Variants in ENC1 observed in about 807,000 individuals in gnomAD.
The protein encoded by ENC1 is ectodermal-neural cortex 1, also known as ectoderm-neural cortex protein 1.
Under a neutral mutation model 40.9 loss-of-function variants are expected in ENC1, and 19 were observed. The observed-to-expected ratio is 0.46, with a 90% confidence interval of 0.32 to 0.68. ENC1 has a LOEUF of 0.68. ENC1 is among the 30% of genes least tolerant of loss of function. ENC1 has a pLI of 0.03. For synonymous variants in ENC1, 285 were observed against 291.1 expected (o/e 0.98, Z 0.21); for missense variants, 479 against 737.5 (o/e 0.65, Z 4.06).
chr5:74,636,938 A>C lies in ENC1; in HGVS notation c.-13-440T>G, dbSNP rs7707483. Among the ~76,000 whole-genome samples the C allele has an allele frequency of 0.13, 19,481 of 152,228 alleles. 1,408 individuals are homozygous for C. The highest frequency in any genetic ancestry group is 0.18 in the African/African-American group (7,432 of 41,518). ...CTGCTCTTATAATGCCAGGATGGGC[A>C]CTGGCTTTCATGCCCCATGCAACAT... is the stretch of plus-strand genomic sequence containing the variant. On this transcript the variant is annotated intron_variant, in intron 1 of 2. Coordinates refer to ENST00000302351, the MANE Select transcript of ENC1 (RefSeq NM_003633.4). The surrounding 1 kb of genome is among the most constrained non-coding windows in gnomAD (Gnocchi z 4.8).
chr5:74,631,664 C>G (rs1420205089), intron 2 of ENC1, among the ~76,000 whole-genome samples: 2 of 152,160 alleles, frequency 1.3e-5, no homozygotes, highest in East Asian at 3.9e-4. Context: ...ACTGGTAGCG[C>G]CAAGGGTGAA....
rs534405225 is a variant in ENC1, at chr5:74,628,467, G to T, written c.*1558C>A. The T allele has an allele frequency of 8.5e-5, 13 of 152,568 alleles. No homozygotes were observed. The highest frequency in any genetic ancestry group is 1.9e-4 in the Non-Finnish European group (13 of 68,036). 9.5% of individuals were successfully genotyped at this position (152,568 alleles called of 1,614,324 possible). A position where few individuals can be genotyped will look rare whatever the true frequency, so the allele number is the denominator to read the frequency against. The stretch of plus-strand genomic sequence containing the variant: ...ATCTGAGACTAGCACTAATACCTAC[G>T]ACGGCACATGCTTAGTAAACAAGCA... On this transcript the variant is annotated 3_prime_UTR_variant, in exon 3 of 3. Coordinates refer to ENST00000302351, the MANE Select transcript of ENC1 (RefSeq NM_003633.4).
chr5:74,637,639 T>A (rs1454168126), intron 1 of ENC1: 1 of 152,244 alleles, frequency 6.6e-6, no homozygotes, highest in African/African-American at 2.4e-5. Context: ...AAAAGATCCA[T>A]CCGTCTTTTG....
At chr5:74,639,699 A>G (rs1040451164) in intron 1 of ENC1, among the ~76,000 whole-genome samples, 1 of 150,750 alleles carries the variant, frequency 6.6e-6, no homozygotes, top group Non-Finnish European at 1.5e-5. Context: ...CCTGTGTGAC[A>G]CCAAACCGCA....
chr5:74,636,250 A>G lies in ENC1; in HGVS notation c.236T>C (p.Leu79Pro). ...GACCTCACTGTCCTGGCTCTCTTTC[A>G]GGCCACCACTGAACATGGCCTCAAA... The part of the protein sequence containing the change: ...RYFEAMFSGG[L>P]KESQDSEVNF... Residue 79 changes from leucine (L) to proline (P), a missense_variant, in exon 2 of 3, where the codon CTG (leucine) becomes CCG (proline). Leu to Pro is a moderately conservative substitution (Grantham distance 98, BLOSUM62 -3). Coordinates refer to ENST00000302351, the MANE Select transcript of ENC1 (RefSeq NM_003633.4). The surrounding 1 kb of genome is among the most constrained non-coding windows in gnomAD (Gnocchi z 4.8). 6.2e-7 allele frequency: 1 copy of G among 1,614,204 alleles called. No individual in the cohort carries two copies. The highest frequency in any genetic ancestry group is 8.5e-7 in the Non-Finnish European group (1 of 1,180,038).
At position 74,628,162 on chromosome 5, in the gene ENC1, G is replaced by A. The variant is rs569738708; in HGVS notation, c.*1863C>T. 30 of 152,764 alleles carry A rather than the reference G, an allele frequency of 2.0e-4. No individual in the cohort carries two copies. The highest frequency in any genetic ancestry group is 7.2e-4 in the African/African-American group (30 of 41,578). The allele number at this position is 152,764 out of a possible 1,614,324, so 9.5% of individuals were successfully genotyped here. A position where few individuals can be genotyped will look rare whatever the true frequency, so the allele number is the denominator to read the frequency against. Reference sequence around the variant, plus strand: ...GGAACCAGGGACTGACTGCTGGAAAGTACTGTGATTCTTTTCTTCCAACAG... The same window carrying A: ...GGAACCAGGGACTGACTGCTGGAAAATACTGTGATTCTTTTCTTCCAACAG... On this transcript the variant is annotated 3_prime_UTR_variant, in exon 3 of 3. Coordinates refer to ENST00000302351, the MANE Select transcript of ENC1 (RefSeq NM_003633.4).
chr5:74,631,568 G>C (rs1336422299), intron 2 of ENC1, among the ~76,000 whole-genome samples: 2 of 152,206 alleles, frequency 1.3e-5, no homozygotes, highest in African/African-American at 4.8e-5. Flanking sequence ...AATTCAAAGA[G>C]TGGCTTTGAT....
In ENC1 at chr5:74,635,967, G is replaced by A; in HGVS notation, c.519C>T (p.Leu173=). Residue 173 remains leucine, a synonymous_variant, in exon 2 of 3, where the codon CTC becomes CTT. Transcript: ENST00000302351. The surrounding 1 kb of genome is among the most constrained non-coding windows in gnomAD (Gnocchi z 5.5). ...KLYELSWRMC[L]SNFQTIRKNE... ...TCTTCCTGATGGTTTGGAAGTTGCT[G>A]AGACACATTCTCCAAGATAGTTCGT... The A allele has an allele frequency of 2.5e-6, 4 of 1,614,186 alleles. No homozygotes were observed. The highest frequency in any genetic ancestry group is 1.1e-5 in the South Asian group (1 of 91,078).
At chr5:74,637,037 C>G (rs537576497) in intron 1 of ENC1, among the ~76,000 whole-genome samples, 1 of 152,248 alleles carries the variant, frequency 6.6e-6, no homozygotes, top group Non-Finnish European at 1.5e-5. Context: ...AATCTCCCAG[C>G]ACATACAGTA....
In ENC1 at chr5:74,636,756, A is replaced by G. The variant is rs1274010303; in HGVS notation, c.-13-258T>C. On this transcript the variant is annotated intron_variant, in intron 1 of 2. Transcript: ENST00000302351. The surrounding 1 kb of genome is among the most constrained non-coding windows in gnomAD (Gnocchi z 4.8). ...AAAAAAAAAAAATCACTGCATAAAA[A>G]GCAGGTTCATCTTGGAAAACCTGAT... is the stretch of plus-strand genomic sequence containing the variant. Among the ~76,000 whole-genome samples, 1 of 152,046 alleles carries G rather than the reference A, an allele frequency of 6.6e-6. No individual in the cohort carries two copies. The highest frequency in any genetic ancestry group is 6.5e-5 in the Admixed American group (1 of 15,276).
chr5:74,631,132 C>CA (rs1203618832), intron 2 of ENC1, among the ~76,000 whole-genome samples: 1 of 151,052 alleles, frequency 6.6e-6, no homozygotes, highest in Admixed American at 6.6e-5. Flanking sequence ...ACCCTCCCCC[C>CA]AAAAAATTGC....
At chr5:74,631,517 A>G (rs1747393237) in intron 2 of ENC1, among the ~76,000 whole-genome samples, 1 of 152,240 alleles carries the variant, frequency 6.6e-6, no homozygotes, top group African/African-American at 2.4e-5. Context: ...TATCTTGTGT[A>G]GTAAACTTTA....
intron 2 of ENC1, among the ~76,000 whole-genome samples, 155 bp from the exon 3 acceptor site, chr5:74,630,147 T>C (rs1467224450): frequency 6.6e-6 from 1 of 152,358 alleles, no homozygotes; most frequent in East Asian, 1.9e-4. Context: ...AGGTCTTACA[T>C]GTTCAGTAGG....
rs1387265645 is a variant in ENC1, at chr5:74,628,393, G to T, written c.*1632C>A. The T allele has an allele frequency of 6.6e-6, 1 of 152,628 alleles. No individual in the cohort carries two copies. Among genetic ancestry groups the T allele is most frequent in the African/African-American group, 2.4e-5 (1 of 41,446 alleles). The allele number at this position is 152,628 out of a possible 1,614,324, so 9.5% of individuals were successfully genotyped here. A position where few individuals can be genotyped will look rare whatever the true frequency, so the allele number is the denominator to read the frequency against. On this transcript the variant is annotated 3_prime_UTR_variant, in exon 3 of 3. Transcript: ENST00000302351. The stretch of plus-strand genomic sequence containing the variant: ...AATGTGAGAAACATGGACGAAAGCA[G>T]TTCGAGTTGCAAACTTTGGTCTTCC...
chr5:74,636,072 C>G lies in ENC1; in HGVS notation c.414G>C (p.Glu138Asp). The change falls in exon 2 of 3, where the codon GAG becomes GAC. Residue 138 changes from glutamate to aspartate, a missense_variant. Glu to Asp is a conservative substitution (Grantham distance 45). Coordinates refer to ENST00000302351, the MANE Select transcript of ENC1 (RefSeq NM_003633.4). The surrounding 1 kb of genome is among the most constrained non-coding windows in gnomAD (Gnocchi z 4.8). Reference sequence around the variant, plus strand: ...TGGGATGCAGGTTCTTTTCCAGGAACTCTGCACATGCATCCCGGATGTCTT... The same window carrying G: ...TGGGATGCAGGTTCTTTTCCAGGAAGTCTGCACATGCATCCCGGATGTCTT... ...EFQDIRDACA[E>D]FLEKNLHPTN... is the part of the protein sequence containing the mutation. 1 of 1,614,202 alleles carries G rather than the reference C, an allele frequency of 6.2e-7. No homozygotes were observed. The highest frequency in any genetic ancestry group is 8.5e-7 in the Non-Finnish European group (1 of 1,180,038).
chr5:74,631,781 T>C (rs977544875), intron 2 of ENC1, among the ~76,000 whole-genome samples: 13 of 152,300 alleles, frequency 8.5e-5, no homozygotes, highest in African/African-American at 2.6e-4. Flanking sequence ...AGTCAAGTGT[T>C]TGCCAACATG....
Position 74,627,581 on chromosome 5 carries a change from C to G in ENC1, c.*2444G>C, listed in dbSNP as rs1747244289. On this transcript the variant is annotated 3_prime_UTR_variant, in exon 3 of 3. Transcript: ENST00000302351. ...TGTACGTGAACCACATGGTCAATAG[C>G]CAAGAGAGGGACATTATGCAGCTCT... 1 of 152,612 alleles carries G rather than the reference C, an allele frequency of 6.6e-6. No homozygotes were observed. The highest frequency in any genetic ancestry group is 1.5e-5 in the Non-Finnish European group (1 of 68,044). The allele number at this position is 152,612 out of a possible 1,614,324, so 9.5% of individuals were successfully genotyped here.
In ENC1 at chr5:74,638,183, A is replaced by G. The variant is rs540299740; in HGVS notation, c.-13-1685T>C. The stretch of plus-strand genomic sequence containing the variant: ...CGCAGCTGAAACTCTGTTTCCTTTA[A>G]CCATTCAGACATTTTTAAATGCATA... On this transcript the variant is annotated intron_variant, in intron 1 of 2. Coordinates refer to ENST00000302351, the MANE Select transcript of ENC1 (RefSeq NM_003633.4). Among the ~76,000 whole-genome samples, 9 of 152,344 alleles carry G rather than the reference A, an allele frequency of 5.9e-5. No homozygotes were observed. The South Asian group carries it at 1.7e-3, about 28-fold the overall frequency.
rs779776151 is a variant in ENC1, at chr5:74,636,461, G to A, written c.25C>T (p.Arg9Cys). The change falls in exon 2 of 3, where the codon CGC becomes TGC. Residue 9 changes from arginine (R) to cysteine (C), a missense_variant. Transcript: ENST00000302351. The surrounding 1 kb of genome is among the most constrained non-coding windows in gnomAD (Gnocchi z 4.8). ...GAGCCGCTGCTGGCCCTGGACTTGCGGTTCTCATGCACACTGACTGACATT... is the reference window on the plus strand; with the variant it reads ...GAGCCGCTGCTGGCCCTGGACTTGCAGTTCTCATGCACACTGACTGACATT... MSVSVHEN[R>C]KSRASSGSIN... The A allele has an allele frequency of 1.4e-5, 22 of 1,610,908 alleles. No individual in the cohort carries two copies. Among genetic ancestry groups the A allele is most frequent in the South Asian group, 3.3e-5 (3 of 90,986 alleles).
Sources: gnomAD v4.1 joint callset for allele counts (sites outside exome capture counted in the v4.1 genomes callset) on GRCh38, gnomAD v4.1.1 for gene constraint, Gnocchi (gnomAD v3.1) non-coding constraint, MANE v1.5 for transcripts, NCBI Gene and HGNC (gene_info 2026-07-23, HGNC 2026-07-21) for gene names.